ZDHHC15: variants seen among roughly 807,000 people sequenced by gnomAD.
ZDHHC15 encodes the protein zDHHC palmitoyltransferase 15, also known as palmitoyltransferase ZDHHC15.
ZDHHC15 carries 19 observed loss-of-function variants against 31.7 expected under a neutral mutation model. That is an observed-to-expected ratio of 0.60 (90% CI 0.42 to 0.88). The LOEUF is 0.88. Ranked by LOEUF, ZDHHC15 falls within the 40% of genes least tolerant of loss-of-function variation. ZDHHC15 has a pLI of 0.00. For missense variants in ZDHHC15, 209 were observed against 251.2 expected (o/e 0.83, Z 1.14); for synonymous variants, 103 against 90.0 (o/e 1.14, Z -0.82).
At chrX:75,419,712 A>G (rs1301030050) in intron 9 of ZDHHC15, among the ~76,000 whole-genome samples, 1 of 109,837 alleles carries the variant, frequency 9.1e-6, no homozygotes, top group African/African-American at 3.3e-5. Flanking sequence ...ATGTACAACA[A>G]TGATAGACTG....
intron 3 of ZDHHC15, among the ~76,000 whole-genome samples, chrX:75,451,158 G>C (rs1346229015): frequency 8.9e-6 from 1 of 111,893 alleles, no homozygotes; most frequent in Non-Finnish European, 1.9e-5. Context: ...GAGAGATTCA[G>C]TAACTTGCCT....
rs183508137 is a variant in ZDHHC15 at position 75,492,421 on chromosome X, C to T, written c.163+13400G>A. On this transcript the variant is annotated intron_variant, in intron 2 of 11. Transcript: ENST00000373367. ...TCCAGGAATTGAACTGAGCTCTGCACCAAGCGGACCTAATAGACATCTACA... is the reference window on the plus strand; with the variant it reads ...TCCAGGAATTGAACTGAGCTCTGCATCAAGCGGACCTAATAGACATCTACA... Among the ~76,000 whole-genome samples the T allele has an allele frequency of 3.6e-5, 4 of 111,107 alleles. No individual in the cohort carries two copies. The East Asian group carries it at 1.1e-3, about 32-fold the overall frequency.
intron 10 of ZDHHC15, among the ~76,000 whole-genome samples, chrX:75,384,021 C>A (rs755443367): frequency 9.1e-6 from 1 of 110,359 alleles, no homozygotes; most frequent in East Asian, 2.9e-4. Context: ...GGATTACAGG[C>A]GTGAACCACC....
intron 4 of ZDHHC15, among the ~76,000 whole-genome samples, chrX:75,432,099 C>T (rs1283509464): frequency 9.0e-6 from 1 of 111,603 alleles, no homozygotes; most frequent in Non-Finnish European, 1.9e-5. Flanking sequence ...AGGGCTGTGA[C>T]CTGTACAGTT....
At chrX:75,493,191 G>C (rs2084929048) in intron 2 of ZDHHC15, among the ~76,000 whole-genome samples, 1 of 111,735 alleles carries the variant, frequency 8.9e-6, no homozygotes, top group Non-Finnish European at 1.9e-5. Context: ...AGAAGAAATA[G>C]ATAAATTCCT....
rs187609484 is a variant in ZDHHC15 at position 75,503,141 on chromosome X, T to A, written c.163+2680A>T. Among the ~76,000 whole-genome samples the A allele has an allele frequency of 2.8e-4, 31 of 109,847 alleles. No homozygotes were observed. The East Asian group carries it at 3.2e-3, about 11-fold the overall frequency. The stretch of plus-strand genomic sequence containing the variant: ...ACACCTACTATCTATCCAAAAAAAT[T>A]AAAAAATAAAAAAAGAGTATCTGAA... On this transcript the variant is annotated intron_variant, in intron 2 of 11. Transcript: ENST00000373367.
chrX:75,374,328 T>C (rs1321135517), intron 11 of ZDHHC15, among the ~76,000 whole-genome samples: 1 of 110,007 alleles, frequency 9.1e-6, no homozygotes, highest in East Asian at 2.8e-4. Flanking sequence ...GGCACATGTA[T>C]ACCTATGTAT....
rs1251218501 is a variant in ZDHHC15 at position 75,411,586 on chromosome X, A to T, written c.967+5501T>A. Among the ~76,000 whole-genome samples the T allele has an allele frequency of 4.4e-5, 5 of 112,700 alleles. No homozygotes were observed. In the Admixed American group the frequency reaches 4.7e-4, roughly 11 times the overall value. On this transcript the variant is annotated intron_variant, in intron 10 of 11. Transcript: ENST00000373367. ...AAATAAAAGATAAATATTTAAAGTGATAGATATCCCAATTAACCTGATTTA... is the reference window on the plus strand; with the variant it reads ...AAATAAAAGATAAATATTTAAAGTGTTAGATATCCCAATTAACCTGATTTA...
intron 4 of ZDHHC15, among the ~76,000 whole-genome samples, chrX:75,433,608 T>A (rs904303196): frequency 3.6e-5 from 4 of 110,055 alleles, no homozygotes; most frequent in Non-Finnish European, 5.7e-5. Flanking sequence ...ATGCCATGAT[T>A]TTGTTCCCTT....
intron 2 of ZDHHC15, among the ~76,000 whole-genome samples, chrX:75,480,707 T>C (rs1272818548): frequency 9.0e-6 from 1 of 111,461 alleles, no homozygotes; most frequent in Non-Finnish European, 1.9e-5. Flanking sequence ...TTTCACTTAC[T>C]ATAAGTTACC....
At chrX:75,495,527 A>G (rs1037881135) in intron 2 of ZDHHC15, among the ~76,000 whole-genome samples, 1 of 111,033 alleles carries the variant, frequency 9.0e-6, no homozygotes, top group Non-Finnish European at 1.9e-5. Context: ...ACTTGGAACC[A>G]ACCCAAATAT....
chrX:75,492,397 C>A (rs978801868), intron 2 of ZDHHC15, among the ~76,000 whole-genome samples: 2 of 110,713 alleles, frequency 1.8e-5, no homozygotes, highest in African/African-American at 3.3e-5. Context: ...ACAAGGATAT[C>A]CAGGAATTGA....
chrX:75,480,683 G>A (rs905501046), intron 2 of ZDHHC15, among the ~76,000 whole-genome samples: 21 of 110,764 alleles, frequency 1.9e-4, no homozygotes, highest in African/African-American at 6.5e-4. Context: ...ACACTGTTTT[G>A]TACCTTACTT....
chrX:75,374,016 A>G (rs1388834880), intron 11 of ZDHHC15, among the ~76,000 whole-genome samples: 2 of 94,954 alleles, frequency 2.1e-5, no homozygotes, highest in African/African-American at 3.8e-5. Flanking sequence ...AGCCTCTGGT[A>G]ATCATCATTC....
chrX:75,487,280 A>T (rs1384058650), intron 2 of ZDHHC15, among the ~76,000 whole-genome samples: 2 of 111,885 alleles, frequency 1.8e-5, no homozygotes, highest in Non-Finnish European at 3.8e-5. Flanking sequence ...AGTCCACTTC[A>T]CTCCCCTGCC....
At chrX:75,383,421 C>T (rs1031608801) in intron 10 of ZDHHC15, among the ~76,000 whole-genome samples, 4 of 111,403 alleles carry the variant, frequency 3.6e-5, no homozygotes, top group African/African-American at 1.3e-4. Flanking sequence ...AGGCTACTTT[C>T]TTCATGTCCT....
chrX:75,413,534 G>A (rs1165306083), intron 10 of ZDHHC15, among the ~76,000 whole-genome samples: 1 of 110,598 alleles, frequency 9.0e-6, no homozygotes, highest in Non-Finnish European at 1.9e-5. Flanking sequence ...GCATGGTGGC[G>A]CATGCCTATA....
intron 4 of ZDHHC15, among the ~76,000 whole-genome samples, chrX:75,433,389 T>C (rs2083805434): frequency 9.0e-6 from 1 of 110,763 alleles, no homozygotes; most frequent in Non-Finnish European, 1.9e-5. Flanking sequence ...ATCTAAGCCG[T>C]AAACACTGTA....
intron 11 of ZDHHC15, among the ~76,000 whole-genome samples, chrX:75,376,751 T>C (rs2083064017): frequency 8.9e-6 from 1 of 112,061 alleles, no homozygotes; most frequent in Non-Finnish European, 1.9e-5. Flanking sequence ...CTTTGTAAAT[T>C]AAGCATATTA....
Sources: gnomAD v4.1 joint callset for allele counts (sites outside exome capture counted in the v4.1 genomes callset) on GRCh38, gnomAD v4.1.1 for gene constraint, MANE v1.5 for transcripts, NCBI Gene and HGNC (gene_info 2026-07-23, HGNC 2026-07-21) for gene names.